BCAS1: variants seen among roughly 807,000 people sequenced by gnomAD.
BCAS1 encodes breast carcinoma-amplified sequence 1.
BCAS1 carries 46 observed loss-of-function variants against 65.4 expected under a neutral mutation model. That is an observed-to-expected ratio of 0.70 (90% confidence interval 0.55 to 0.90). The LOEUF (loss-of-function observed/expected upper bound fraction) is 0.90, where lower values mean the gene tolerates loss of function less well. Among genes scored for constraint, BCAS1 ranks in the 40% least tolerant of loss-of-function variants. The probability of loss-of-function intolerance (pLI) is 0.00; values close to 1 mark genes in which losing one functional copy is unlikely to be tolerated. For synonymous variants in BCAS1, 298 were observed against 293.5 expected, an observed-to-expected ratio of 1.02 and a Z score of -0.16; for missense variants, 793 against 771.2, an observed-to-expected ratio of 1.03 and a Z score of -0.33.
At chr20:54,056,748 A>G (rs2146316294) in intron 3 of BCAS1, among the ~76,000 whole-genome samples, 1 of 152,318 alleles carries the variant, frequency 6.6e-6, no homozygotes, top group African/African-American at 2.4e-5. Flanking sequence ...AAGCTTTGGA[A>G]CCAATGCTGT....
rs985904224 is a variant in BCAS1 at position 54,058,582 on chromosome 20, T to C, written c.72+65A>G. The C allele has an allele frequency of 2.6e-6, 4 of 1,545,686 alleles. No homozygotes were observed. In the African/African-American group the frequency reaches 4.2e-5, roughly 16 times the overall value. On this transcript the variant is annotated intron_variant, in intron 2 of 12. Transcript: ENST00000688948. ...GACTTCAGTCAACACACTTGTCAAA[T>C]ACAGGAAGTTCTTTTTTTTTTTTTT... is the stretch of plus-strand genomic sequence containing the variant.
intron 4 of BCAS1, among the ~76,000 whole-genome samples, chr20:53,999,062 A>G (rs1307706520): frequency 6.6e-6 from 1 of 152,222 alleles, no homozygotes; most frequent in Admixed American, 6.5e-5. Context: ...TTATTTGGCT[A>G]TGAGTGTCAA....
chr20:53,968,200 A>AT, intron 9 of BCAS1, among the ~76,000 whole-genome samples: 1 of 152,312 alleles, frequency 6.6e-6, no homozygotes, highest in South Asian at 2.1e-4. Flanking sequence ...ATTTTAAAAG[A>AT]TAAAATGTAT....
intron 9 of BCAS1, among the ~76,000 whole-genome samples, chr20:53,970,006 G>C (rs1395484815): frequency 6.6e-6 from 1 of 152,186 alleles, no homozygotes; most frequent in African/African-American, 2.4e-5. Flanking sequence ...GGGTAGAAGA[G>C]TGGAGAAATA....
At chr20:53,953,719 C>T in intron 11 of BCAS1, 24 bp from the exon 12 acceptor site, 3 of 1,601,068 alleles carry the variant, frequency 1.9e-6, no homozygotes, top group East Asian at 2.2e-5. Flanking sequence ...AAACAAAGTA[C>T]ATTTTTAGTG....
At chr20:53,996,373 CATCTTTATAGTCTCCTT>C (rs2090910216) in intron 4 of BCAS1, among the ~76,000 whole-genome samples, 1 of 150,206 alleles carries the variant, frequency 6.7e-6, no homozygotes, top group South Asian at 2.1e-4. Flanking sequence ...CGATATTTTC[CATCTTTATAGTCTCCTT>C]ATCTATGATG....
chr20:53,997,694 C>G (rs1313535451), intron 4 of BCAS1, among the ~76,000 whole-genome samples: 1 of 152,068 alleles, frequency 6.6e-6, no homozygotes, highest in Non-Finnish European at 1.5e-5. Flanking sequence ...ACAGAGAGGT[C>G]CTGCAGGTAC....
intron 4 of BCAS1, among the ~76,000 whole-genome samples, chr20:54,000,551 A>AT (rs1270783948): frequency 6.6e-6 from 1 of 151,998 alleles, no homozygotes; most frequent in Non-Finnish European, 1.5e-5. Flanking sequence ...GATTTCAAAT[A>AT]TTTTTTCTTC....
At chr20:54,014,385 T>C (rs1250090148) in intron 4 of BCAS1, among the ~76,000 whole-genome samples, 1 of 152,250 alleles carries the variant, frequency 6.6e-6, no homozygotes, top group Non-Finnish European at 1.5e-5. Context: ...TGAAAAATAA[T>C]GCCGCCTTAT....
At chr20:54,060,849 TAGC>T (rs2092368717) in intron 1 of BCAS1, among the ~76,000 whole-genome samples, 1 of 152,190 alleles carries the variant, frequency 6.6e-6, no homozygotes, top group Admixed American at 6.5e-5. Context: ...CTCCTAATCT[TAGC>T]AGTGTGTTTG....
intron 3 of BCAS1, among the ~76,000 whole-genome samples, chr20:54,048,789 AT>A (rs1204330284): frequency 3.9e-5 from 6 of 152,200 alleles, no homozygotes; most frequent in Non-Finnish European, 7.3e-5. Flanking sequence ...CGGCCTTATT[AT>A]TTTATTCCTC....
rs2090658971 is a variant in BCAS1, at chr20:53,988,023, C to T, written c.1063-2524G>A. Among the ~76,000 whole-genome samples, 5 of 152,294 alleles carry T rather than the reference C, an allele frequency of 3.3e-5. No individual in the cohort carries two copies. The South Asian group carries it at 1.0e-3, about 32-fold the overall frequency. The stretch of plus-strand genomic sequence containing the variant: ...CCAAGAATCCAGGGGTTGGGGCTGA[C>T]CTCATCCCCATCTCTAAGAAAGGGC... On this transcript the variant is annotated intron_variant, in intron 7 of 12. Transcript: ENST00000688948.
intron 7 of BCAS1, among the ~76,000 whole-genome samples, chr20:53,986,585 A>G (rs757874940): frequency 2.0e-5 from 3 of 152,214 alleles, no homozygotes; most frequent in Admixed American, 1.3e-4. Flanking sequence ...GACTAAAAGA[A>G]AAAATATATT....
chr20:53,992,425 G>T, intron 7 of BCAS1, 87 bp downstream of exon 7: 1 of 1,150,314 alleles, frequency 8.7e-7, no homozygotes, highest in Non-Finnish European at 1.2e-6. Context: ...TGTTTTTACT[G>T]GAGAGGAGCT....
At chr20:53,957,581 A>AGGTTTGGG in intron 10 of BCAS1, 84 bp from the exon 11 acceptor site, 3 of 1,294,528 alleles carry the variant, frequency 2.3e-6, no homozygotes, top group Non-Finnish European at 3.4e-6. Context: ...GGATGATCTC[A>AGGTTTGGG]GTCATTTATC....
In BCAS1 at chr20:54,003,435, C is replaced by A. The variant is rs73914470; in HGVS notation, c.724-7385G>T. 8.0e-4 allele frequency among the ~76,000 whole-genome samples: 122 copies of A among 152,022 alleles called. 2 individuals carry two copies. The highest frequency in any genetic ancestry group is 2.7e-3 in the African/African-American group (110 of 41,332). ...TTGGAATCAAGTCTCCCTCTCCCAC[C>A]GACGTTTTTCTGGGTCAGGCCACCC... On this transcript the variant is annotated intron_variant, in intron 4 of 12. Coordinates refer to ENST00000688948, the MANE Select transcript of BCAS1 (RefSeq NM_001366298.2).
intron 4 of BCAS1, among the ~76,000 whole-genome samples, chr20:54,026,459 A>T (rs532735713): frequency 4.0e-4 from 61 of 152,304 alleles, no homozygotes; most frequent in African/African-American, 1.3e-3. Context: ...TGGCTATTCT[A>T]TGCTGAACTG....
intron 12 of BCAS1, among the ~76,000 whole-genome samples, chr20:53,952,446 C>T (rs1357677603): frequency 6.6e-6 from 1 of 152,192 alleles, no homozygotes; most frequent in Non-Finnish European, 1.5e-5. Flanking sequence ...TCCTCTGCAT[C>T]TAGCAGCCAT....
At chr20:53,972,719 C>T (rs893797332) in intron 9 of BCAS1, among the ~76,000 whole-genome samples, 2 of 152,098 alleles carry the variant, frequency 1.3e-5, no homozygotes, top group East Asian at 3.8e-4. Flanking sequence ...TTGCTGATCC[C>T]TAAAATTATT....
Sources: gnomAD v4.1 joint callset for allele counts (sites outside exome capture counted in the v4.1 genomes callset) on GRCh38, gnomAD v4.1.1 for gene constraint, MANE v1.5 for transcripts, NCBI Gene and HGNC (gene_info 2026-07-23, HGNC 2026-07-21) for gene names.